Variants in MTA3 observed in about 807,000 individuals in gnomAD.
The protein encoded by MTA3 is metastasis associated 1 family member 3, also known as metastasis-associated protein MTA3.
MTA3 carries 34 observed loss-of-function variants against 83.5 expected under a neutral mutation model. That is an observed-to-expected ratio of 0.41 (90% CI 0.31 to 0.54). The LOEUF (loss-of-function observed/expected upper bound fraction) is 0.54, where lower values mean the gene tolerates loss of function less well. Ranked by LOEUF, MTA3 falls within the 20% of genes least tolerant of loss-of-function variation. The pLI, the probability that MTA3 is intolerant of heterozygous loss-of-function variation, is 0.33. For missense variants in MTA3, 761 were observed against 726.4 expected, an observed-to-expected ratio of 1.05 and a Z score of -0.55; for synonymous variants, 303 against 252.7, an observed-to-expected ratio of 1.20 and a Z score of -1.89.
intron 2 of MTA3, among the ~76,000 whole-genome samples, chr2:42,549,923 T>C (rs944021304): frequency 1.3e-5 from 2 of 151,454 alleles, no homozygotes; most frequent in Admixed American, 6.7e-5. Context: ...TACCTGCTCA[T>C]TAGTCACTTA....
chr2:42,743,945 T>TA lies in MTA3; in HGVS notation c.1760-9421dup, dbSNP rs200619152. Among the ~76,000 whole-genome samples, 804 of 152,232 alleles carry TA rather than the reference T, an allele frequency of 5.3e-3. 19 individuals carry two copies. The highest frequency in any genetic ancestry group is 0.035 in the East Asian group (181 of 5,184). ...ATGCCATTTCAAAAGACTGCAGTTT[T>TA]AAAAAAAACTTTTAAAACATTGTCT... On this transcript the variant is annotated intron_variant, in intron 16 of 16. Coordinates refer to ENST00000405094, the MANE Select transcript of MTA3 (RefSeq NM_001330442.2).
chr2:42,679,955 A>G (rs1484648755), intron 8 of MTA3: 3 of 152,154 alleles, frequency 2.0e-5, no homozygotes, highest in Non-Finnish European at 4.4e-5. Context: ...TGAATGTAAC[A>G]GATTAAAAGA....
chr2:42,598,272 A>T (rs1296881781), intron 3 of MTA3, among the ~76,000 whole-genome samples: 1 of 151,268 alleles, frequency 6.6e-6, no homozygotes, highest in Non-Finnish European at 1.5e-5. Context: ...TCACTGTGTT[A>T]GTCAGGATGG....
chr2:42,737,328 C>T (rs533125296), intron 16 of MTA3, among the ~76,000 whole-genome samples: 2 of 152,344 alleles, frequency 1.3e-5, no homozygotes, highest in East Asian at 3.9e-4. Flanking sequence ...CTATTCCCCT[C>T]TGGCTAAGGC....
At chr2:42,709,158 C>T in intron 14 of MTA3, 62 bp downstream of exon 14, 1 of 1,506,010 alleles carries the variant, frequency 6.6e-7, no homozygotes, top group Non-Finnish European at 8.9e-7. Context: ...CTCTTTTCCT[C>T]TCTTTCCTTT....
At chr2:42,525,722 A>G (rs1484220442) in intron 2 of MTA3, among the ~76,000 whole-genome samples, 1 of 151,158 alleles carries the variant, frequency 6.6e-6, no homozygotes, top group Non-Finnish European at 1.5e-5. Flanking sequence ...CAGTGGCACA[A>G]TCTCGGCTCA....
chr2:42,496,712 G>A (rs529997230), intron 2 of MTA3, among the ~76,000 whole-genome samples: 1 of 151,790 alleles, frequency 6.6e-6, no homozygotes, highest in Admixed American at 6.6e-5. Flanking sequence ...ATTCCCAGCA[G>A]CAGCATCCTG....
intron 2 of MTA3, chr2:42,533,520 C>CTTTTTTTTTTTTTTTTTTTTTT (rs763768263): frequency 7.8e-6 from 1 of 128,604 alleles, no homozygotes; most frequent in Non-Finnish European, 1.6e-5. Context: ...CTTTTCTTTT[C>CTTTTTTTTTTTTTTTTTTTTTT]TTTTTTTTTT....
intron 16 of MTA3, among the ~76,000 whole-genome samples, chr2:42,735,871 A>C (rs1668572787): frequency 6.6e-6 from 1 of 152,100 alleles, no homozygotes; most frequent in Non-Finnish European, 1.5e-5. Flanking sequence ...GTGCTTCCTC[A>C]AAACACTTAT....
At chr2:42,725,250 A>G (rs1667726929) in intron 16 of MTA3, among the ~76,000 whole-genome samples, 1 of 152,212 alleles carries the variant, frequency 6.6e-6, no homozygotes, top group Admixed American at 6.5e-5. Flanking sequence ...TAGTTGTATA[A>G]ATGAAGGTGA....
At chr2:42,570,869 C>T (rs951004644) in intron 2 of MTA3, among the ~76,000 whole-genome samples, 5 of 151,488 alleles carry the variant, frequency 3.3e-5, no homozygotes, top group African/African-American at 9.7e-5. Flanking sequence ...AAAAAATAGT[C>T]GGGCATGGTG....
chr2:42,682,701 A>G, intron 9 of MTA3, 112 bp downstream of exon 9: 1 of 936,728 alleles, frequency 1.1e-6, no homozygotes, highest in Non-Finnish European at 1.6e-6. Context: ...AATAGTTTTT[A>G]TCTGCTCAAA....
At position 42,570,333 on chromosome 2, in the gene MTA3, T is replaced by C. The variant is rs1208172426; in HGVS notation, c.29-104T>C. Reference sequence around the variant, plus strand: ...TTTGCTTTTACCAGTGAATGAATTATGAGCTTAATTTCAAACGTGAAATGC... The same window carrying C: ...TTTGCTTTTACCAGTGAATGAATTACGAGCTTAATTTCAAACGTGAAATGC... On this transcript the variant is annotated intron_variant, in intron 1 of 16. Coordinates refer to ENST00000405094, the MANE Select transcript of MTA3 (RefSeq NM_001330442.2). 23 of 610,726 alleles carry C rather than the reference T, an allele frequency of 3.8e-5. No homozygotes were observed. In the East Asian group the frequency reaches 6.3e-4, roughly 17 times the overall value. 37.8% of individuals were successfully genotyped at this position (610,726 alleles called of 1,614,324 possible).
At chr2:42,506,908 GTTTTA>G (rs909869522) in intron 2 of MTA3, among the ~76,000 whole-genome samples, 2 of 151,534 alleles carry the variant, frequency 1.3e-5, no homozygotes, top group African/African-American at 4.9e-5. Context: ...CGCCTGGCCT[GTTTTA>G]TTTTTTTGAG....
At chr2:42,588,538 C>G (rs937290085) in intron 3 of MTA3, among the ~76,000 whole-genome samples, 1 of 152,106 alleles carries the variant, frequency 6.6e-6, no homozygotes, top group African/African-American at 2.4e-5. Context: ...TTGCTAGAAG[C>G]AGATAATTTG....
chr2:42,627,019 G>C (rs183169958), intron 4 of MTA3, among the ~76,000 whole-genome samples: 13 of 152,322 alleles, frequency 8.5e-5, no homozygotes, highest in Admixed American at 7.8e-4. Flanking sequence ...GGGATTACAG[G>C]CATGAGCCAC....
intron 11 of MTA3, chr2:42,703,982 C>T: frequency 2.1e-6 from 1 of 480,546 alleles, no homozygotes; most frequent in Middle Eastern, 6.0e-4. Flanking sequence ...GAATGTCAGG[C>T]ATAAGCAATT....
chr2:42,722,293 T>C (rs1194916270), intron 15 of MTA3, among the ~76,000 whole-genome samples: 3 of 152,212 alleles, frequency 2.0e-5, no homozygotes, highest in Non-Finnish European at 4.4e-5. Context: ...AGGCACATTA[T>C]GGTTTTGTGA....
intron 8 of MTA3, among the ~76,000 whole-genome samples, chr2:42,679,105 T>A (rs919205094): frequency 6.6e-6 from 1 of 152,176 alleles, no homozygotes; most frequent in Non-Finnish European, 1.5e-5. Context: ...TATCAGTCTT[T>A]GACCTAAAAA....
Sources: allele counts gnomAD v4.1 joint callset (sites outside exome capture counted in the v4.1 genomes callset), GRCh38; gene constraint gnomAD v4.1.1; transcripts MANE v1.5; gene names NCBI Gene and HGNC (gene_info 2026-07-23, HGNC 2026-07-21).